The following PTPRK variants were observed in gnomAD, a reference collection of about 807,000 sequenced individuals.
PTPRK encodes protein tyrosine phosphatase receptor type K, also known as receptor-type tyrosine-protein phosphatase kappa.
Under a neutral mutation model 178.0 loss-of-function variants are expected in PTPRK, and 75 were observed. The observed-to-expected ratio is 0.42, with a 90% CI of 0.35 to 0.51. PTPRK has a LOEUF of 0.51. PTPRK is among the 20% of genes least tolerant of loss of function. The pLI is 0.02. For missense variants in PTPRK, 1,441 were observed against 1,797.8 expected (o/e 0.80, Z 3.59); for synonymous variants, 637 against 620.6 (o/e 1.03, Z -0.39).
At chr6:128,323,242 G>C (rs1357410960) in intron 2 of PTPRK, among the ~76,000 whole-genome samples, 2 of 151,892 alleles carry the variant, frequency 1.3e-5, no homozygotes, top group African/African-American at 2.4e-5. Flanking sequence ...TTGAACAACG[G>C]GCTGCTGCTT....
intron 13 of PTPRK, among the ~76,000 whole-genome samples, chr6:128,056,924 T>C (rs1237793314): frequency 6.6e-6 from 1 of 152,206 alleles, no homozygotes; most frequent in Non-Finnish European, 1.5e-5. Context: ...GGCAAATGAC[T>C]AAATGAGCTG....
intron 5 of PTPRK, among the ~76,000 whole-genome samples, chr6:128,228,216 A>G (rs894628814): frequency 1.3e-5 from 2 of 152,088 alleles, no homozygotes; most frequent in African/African-American, 4.8e-5. Flanking sequence ...TGAGTGAAAA[A>G]GGGGTAATTT....
chr6:128,017,282 T>C (rs1177543846), intron 13 of PTPRK, among the ~76,000 whole-genome samples: 2 of 152,056 alleles, frequency 1.3e-5, no homozygotes, highest in Non-Finnish European at 2.9e-5. Context: ...TTTATTTCTT[T>C]AGAGATTTTG....
intron 1 of PTPRK, among the ~76,000 whole-genome samples, chr6:128,400,786 C>T: frequency 6.6e-6 from 1 of 152,184 alleles, no homozygotes; most frequent in East Asian, 1.9e-4. Context: ...TATAGTATTA[C>T]ATAAATCTAT....
At chr6:128,504,289 C>T (rs769410674) in intron 1 of PTPRK, among the ~76,000 whole-genome samples, 17 of 152,122 alleles carry the variant, frequency 1.1e-4, no homozygotes, top group Non-Finnish European at 2.2e-4. Flanking sequence ...GTGAAAGCAA[C>T]AGGAAAAACT....
At chr6:128,015,069 A>T (rs1370797344) in intron 13 of PTPRK, among the ~76,000 whole-genome samples, 1 of 151,776 alleles carries the variant, frequency 6.6e-6, no homozygotes, top group Non-Finnish European at 1.5e-5. Context: ...ATAAAATTAC[A>T]GATTAATACT....
chr6:128,450,999 C>T (rs1033081704), intron 1 of PTPRK, among the ~76,000 whole-genome samples: 5 of 152,098 alleles, frequency 3.3e-5, no homozygotes, highest in Admixed American at 6.5e-5. Flanking sequence ...TCATGACCAA[C>T]GTTTAAAATG....
At chr6:128,363,977 G>C (rs1262928021) in intron 2 of PTPRK, among the ~76,000 whole-genome samples, 1 of 152,046 alleles carries the variant, frequency 6.6e-6, no homozygotes, top group Non-Finnish European at 1.5e-5. Context: ...TTCAAAAGTA[G>C]AAGGAATAGA....
chr6:128,321,744 A>G, intron 3 of PTPRK: 1 of 685,262 alleles, frequency 1.5e-6, no homozygotes, highest in South Asian at 1.6e-5. Flanking sequence ...ACCACCAACA[A>G]ATTTTGGACC....
intron 7 of PTPRK, among the ~76,000 whole-genome samples, chr6:128,164,333 A>G (rs1043730127): frequency 9.3e-5 from 14 of 151,350 alleles, no homozygotes; most frequent in African/African-American, 3.1e-4. Flanking sequence ...TGACCCTATA[A>G]TCCTAGTTCT....
At chr6:128,247,535 T>C (rs976524280) in intron 3 of PTPRK, among the ~76,000 whole-genome samples, 5 of 152,024 alleles carry the variant, frequency 3.3e-5, no homozygotes, top group African/African-American at 1.2e-4. Flanking sequence ...GCTAGGCTGG[T>C]CTCGAACTCC....
Position 128,191,652 on chromosome 6 carries a change from C to T in PTPRK, c.869-6927G>A, listed in dbSNP as rs1021744704. ...AATTATTTCAAATTGTATACATATA[C>T]CAAAAGACCACATTGTACAACTTAA... On this transcript the variant is annotated intron_variant, in intron 6 of 29. Coordinates refer to ENST00000368226, the MANE Select transcript of PTPRK (RefSeq NM_002844.4). Among the ~76,000 whole-genome samples the T allele has an allele frequency of 2.0e-5, 3 of 151,512 alleles. No individual in the cohort carries two copies. In the South Asian group the frequency reaches 6.2e-4, roughly 31 times the overall value.
At chr6:128,067,419 T>C (rs1030220043) in intron 12 of PTPRK, 100 bp downstream of exon 12, 56 of 1,318,580 alleles carry the variant, frequency 4.2e-5, no homozygotes, top group Middle Eastern at 4.3e-4. Flanking sequence ...AATTTTCTTT[T>C]TCTTTTTTTT....
rs1773691368 is a variant in PTPRK, at chr6:127,969,595, T to C, written c.*632A>G. ...AGTATTTTAGCCATCAAAAAAGGAA[T>C]GTAAGTAACCAATAAATATAATGTG... On this transcript the variant is annotated 3_prime_UTR_variant, in exon 30 of 30. Coordinates refer to ENST00000368226, the MANE Select transcript of PTPRK (RefSeq NM_002844.4). 2 of 152,156 alleles carry C rather than the reference T, an allele frequency of 1.3e-5. No homozygotes were observed. The highest frequency in any genetic ancestry group is 2.9e-5 in the Non-Finnish European group (2 of 68,018). The allele number at this position is 152,156 out of a possible 1,614,324, so 9.4% of individuals were successfully genotyped here.
intron 7 of PTPRK, among the ~76,000 whole-genome samples, chr6:128,154,521 C>CA (rs1182982601): frequency 2.6e-5 from 4 of 151,468 alleles, no homozygotes; most frequent in Admixed American, 6.6e-5. Flanking sequence ...TAAACAACAA[C>CA]AAAAAAATCA....
chr6:128,173,575 C>T (rs1462252741), intron 7 of PTPRK, among the ~76,000 whole-genome samples: 1 of 151,956 alleles, frequency 6.6e-6, no homozygotes, highest in Non-Finnish European at 1.5e-5. Flanking sequence ...CCCAATGCCT[C>T]ATTTCTAAAA....
chr6:128,091,627 A>T (rs1014124374), intron 7 of PTPRK, among the ~76,000 whole-genome samples: 1 of 152,234 alleles, frequency 6.6e-6, no homozygotes, highest in Non-Finnish European at 1.5e-5. Context: ...TACCTAGAGT[A>T]TATGAGCAAA....
chr6:128,029,421 G>A lies in PTPRK; in HGVS notation c.2195-20153C>T, dbSNP rs542742534. ...CACCTGTAATCCCAGCACTCTGGGA[G>A]GCTGAGGCAGGTGGATCATTTGAGT... On this transcript the variant is annotated intron_variant, in intron 13 of 29. Transcript: ENST00000368226. Among the ~76,000 whole-genome samples, 29 of 152,168 alleles carry A rather than the reference G, an allele frequency of 1.9e-4. No homozygotes were observed. The South Asian group carries it at 5.4e-3, about 28-fold the overall frequency.
intron 13 of PTPRK, among the ~76,000 whole-genome samples, chr6:128,044,926 C>T (rs1325171605): frequency 1.3e-5 from 2 of 151,924 alleles, no homozygotes; most frequent in Non-Finnish European, 2.9e-5. Flanking sequence ...CATTTTAATG[C>T]TGTCATCTAG....
Sources: allele counts gnomAD v4.1 joint callset (sites outside exome capture counted in the v4.1 genomes callset), GRCh38; gene constraint gnomAD v4.1.1; transcripts MANE v1.5; gene names NCBI Gene and HGNC (gene_info 2026-07-23, HGNC 2026-07-21).